The following CSMD1 variants were observed in gnomAD, a reference collection of about 807,000 sequenced individuals.
The protein encoded by CSMD1 is CUB and sushi domain-containing protein 1.
A neutral mutation model predicts 417.5 loss-of-function variants in CSMD1; 213 were observed. The ratio of observed to expected loss-of-function variants is 0.51; its 90% CI spans 0.46 to 0.57. CSMD1 has a LOEUF of 0.57. Ranked by LOEUF, CSMD1 falls within the 20% of genes least tolerant of loss-of-function variation. CSMD1 has a pLI of 0.00. For synonymous variants in CSMD1, 2,862 were observed against 1,736.8 expected (o/e 1.65, Z -16.11); for missense variants, 6,923 against 4,529.7 (o/e 1.53, Z -15.17).
intron 50 of CSMD1, among the ~76,000 whole-genome samples, chr8:3,044,675 C>T (rs1008828861): frequency 2.0e-5 from 3 of 152,024 alleles, no homozygotes; most frequent in African/African-American, 7.2e-5. Context: ...CGGAGATCTG[C>T]ACCACTGCAA....
chr8:4,039,547 G>C (rs906376416), intron 3 of CSMD1, among the ~76,000 whole-genome samples: 1 of 152,160 alleles, frequency 6.6e-6, no homozygotes, highest in Admixed American at 6.5e-5. Flanking sequence ...AAAGCAATGA[G>C]GACCTCCCAG....
intron 3 of CSMD1, among the ~76,000 whole-genome samples, chr8:4,088,170 T>C (rs1199644624): frequency 6.6e-6 from 1 of 152,186 alleles, no homozygotes; most frequent in African/African-American, 2.4e-5. Context: ...ATGAATATTC[T>C]TCCCGTTGTT....
At chr8:3,963,462 A>C (rs750401623) in intron 5 of CSMD1, among the ~76,000 whole-genome samples, 2 of 152,176 alleles carry the variant, frequency 1.3e-5, no homozygotes, top group Non-Finnish European at 2.9e-5. Flanking sequence ...AGGTGAATGA[A>C]TGCCTCATAA....
At chr8:3,605,809 T>A (rs559282533) in intron 8 of CSMD1, among the ~76,000 whole-genome samples, 7 of 152,342 alleles carry the variant, frequency 4.6e-5, no homozygotes, top group African/African-American at 1.7e-4. Flanking sequence ...CAAATTCCCT[T>A]TAGAGCCTAG....
At chr8:4,900,735 ACTTATC>A (rs914358411) in intron 1 of CSMD1, among the ~76,000 whole-genome samples, 9 of 152,200 alleles carry the variant, frequency 5.9e-5, no homozygotes, top group African/African-American at 2.2e-4. Context: ...CACGGAGTTA[ACTTATC>A]CTTTCATTTT....
At chr8:3,625,424 G>A (rs948329641) in intron 7 of CSMD1, among the ~76,000 whole-genome samples, 1 of 151,814 alleles carries the variant, frequency 6.6e-6, no homozygotes, top group African/African-American at 2.4e-5. Flanking sequence ...TTTTTGTCTG[G>A]CCCCTCTTTC....
intron 2 of CSMD1, among the ~76,000 whole-genome samples, chr8:4,607,575 C>G (rs1261092175): frequency 6.6e-6 from 1 of 152,180 alleles, no homozygotes; most frequent in Non-Finnish European, 1.5e-5. Context: ...ATTAAATGCT[C>G]ATTAGCATCC....
At chr8:4,730,064 G>A (rs1173472041) in intron 1 of CSMD1, among the ~76,000 whole-genome samples, 8 of 152,012 alleles carry the variant, frequency 5.3e-5, no homozygotes, top group Non-Finnish European at 1.0e-4. Flanking sequence ...AATGGCCAGA[G>A]AACAAAATAA....
At chr8:3,149,530 C>T (rs1480752038) in intron 40 of CSMD1, among the ~76,000 whole-genome samples, 3 of 152,052 alleles carry the variant, frequency 2.0e-5, no homozygotes, top group Non-Finnish European at 4.4e-5. Context: ...CAAGCTGGAG[C>T]GCAGTGGCGT....
At chr8:4,627,663 C>G (rs4875113) in intron 2 of CSMD1, among the ~76,000 whole-genome samples, 1 of 152,094 alleles carries the variant, frequency 6.6e-6, no homozygotes, top group Non-Finnish European at 1.5e-5. Flanking sequence ...CCTGGTCACT[C>G]CAGCTGCTCC....
At chr8:4,091,130 G>C (rs1186416443) in intron 3 of CSMD1, among the ~76,000 whole-genome samples, 1 of 151,940 alleles carries the variant, frequency 6.6e-6, no homozygotes, top group Admixed American at 6.6e-5. Flanking sequence ...TTTTGGCCAG[G>C]CTGGTCTCGA....
intron 4 of CSMD1, among the ~76,000 whole-genome samples, chr8:4,011,629 C>A (rs1186103832): frequency 6.6e-6 from 1 of 152,162 alleles, no homozygotes; most frequent in East Asian, 1.9e-4. Context: ...TCATCCATTT[C>A]CTCATCCTTG....
chr8:3,457,068 T>A (rs1393514797), intron 12 of CSMD1, among the ~76,000 whole-genome samples: 1 of 151,000 alleles, frequency 6.6e-6, no homozygotes, highest in African/African-American at 2.4e-5. Flanking sequence ...CTCACCTGTA[T>A]CCCTCATTCT....
At chr8:3,056,977 T>C (rs1324044660) in intron 49 of CSMD1, among the ~76,000 whole-genome samples, 4 of 152,188 alleles carry the variant, frequency 2.6e-5, no homozygotes, top group Admixed American at 2.6e-4. Flanking sequence ...TTTATGTTCA[T>C]GTTGGGCCAA....
intron 2 of CSMD1, among the ~76,000 whole-genome samples, chr8:4,500,265 T>A (rs888593233): frequency 3.9e-5 from 6 of 152,132 alleles, no homozygotes; most frequent in African/African-American, 1.4e-4. Context: ...TAGAAATGGA[T>A]CGTCAGCGAG....
At chr8:4,521,211 C>A (rs1218657632) in intron 2 of CSMD1, among the ~76,000 whole-genome samples, 3 of 151,816 alleles carry the variant, frequency 2.0e-5, no homozygotes, top group Non-Finnish European at 4.4e-5. Context: ...TATAAAAATA[C>A]TAAAATGTAA....
chr8:4,209,736 C>G (rs1392774522), intron 3 of CSMD1, among the ~76,000 whole-genome samples: 1 of 152,178 alleles, frequency 6.6e-6, no homozygotes, highest in Non-Finnish European at 1.5e-5. Flanking sequence ...ACCAGATGTC[C>G]TGCTCCTAGC....
intron 8 of CSMD1, among the ~76,000 whole-genome samples, chr8:3,615,125 C>T (rs1019918817): frequency 6.6e-6 from 1 of 152,122 alleles, no homozygotes; most frequent in Non-Finnish European, 1.5e-5. Context: ...CTGTTAGCTG[C>T]CAGCTGGTGC....
At chr8:4,993,811 G>A (rs1811607916) in intron 1 of CSMD1, among the ~76,000 whole-genome samples, 1 of 152,184 alleles carries the variant, frequency 6.6e-6, no homozygotes, top group Non-Finnish European at 1.5e-5. Flanking sequence ...GAGGAATGGG[G>A]TGTATGGGTG....
Sources: gnomAD v4.1 joint callset for allele counts (sites outside exome capture counted in the v4.1 genomes callset) on GRCh38, gnomAD v4.1.1 for gene constraint, MANE v1.5 for transcripts, NCBI Gene and HGNC (gene_info 2026-07-23, HGNC 2026-07-21) for gene names.